The following ALCAM variants were observed in gnomAD, a reference collection of about 807,000 sequenced individuals.
ALCAM encodes the protein CD166 antigen.
Under a neutral mutation model 70.9 loss-of-function variants are expected in ALCAM, and 30 were observed. That is an observed-to-expected ratio of 0.42 (90% CI 0.32 to 0.57). The LOEUF (loss-of-function observed/expected upper bound fraction) is 0.57. ALCAM is among the 20% of genes least tolerant of loss of function. ALCAM has a pLI of 0.11. For synonymous variants in ALCAM, 249 were observed against 242.5 expected, an observed-to-expected ratio of 1.03 and a Z score of -0.25; for missense variants, 591 against 695.1, an observed-to-expected ratio of 0.85 and a Z score of 1.68.
chr3:105,530,715 G>A (rs985669030), intron 3 of ALCAM, among the ~76,000 whole-genome samples: 3 of 151,996 alleles, frequency 2.0e-5, no homozygotes, highest in Non-Finnish European at 4.4e-5. Context: ...CAACACATGG[G>A]AGGATTTATT....
At chr3:105,477,562 G>A (rs1392395536) in intron 1 of ALCAM, among the ~76,000 whole-genome samples, 1 of 151,966 alleles carries the variant, frequency 6.6e-6, no homozygotes, top group African/African-American at 2.4e-5. Flanking sequence ...ACTATGCTGT[G>A]CCTAAGTTTG....
intron 1 of ALCAM, among the ~76,000 whole-genome samples, chr3:105,422,520 C>T (rs1553722005): frequency 6.6e-6 from 1 of 150,974 alleles, no homozygotes; most frequent in Non-Finnish European, 1.5e-5. Flanking sequence ...TAGCCTTGGG[C>T]AAAAAAGTGT....
intron 14 of ALCAM, among the ~76,000 whole-genome samples, chr3:105,559,991 G>A (rs1940598808): frequency 6.6e-6 from 1 of 151,846 alleles, no homozygotes; most frequent in Admixed American, 6.6e-5. Flanking sequence ...TTCCAGTTTG[G>A]GCTACTGCAA....
chr3:105,411,961 T>C (rs1297942433), intron 1 of ALCAM, among the ~76,000 whole-genome samples: 1 of 152,114 alleles, frequency 6.6e-6, no homozygotes, highest in Non-Finnish European at 1.5e-5. Context: ...AAATTTATGT[T>C]GTAAACAGGA....
intron 2 of ALCAM, among the ~76,000 whole-genome samples, chr3:105,521,430 C>T (rs1032812291): frequency 4.0e-5 from 6 of 151,666 alleles, no homozygotes; most frequent in African/African-American, 1.5e-4. Context: ...TATTTGACCA[C>T]ACAACTTTTT....
At chr3:105,509,436 T>C (rs1409202257) in intron 1 of ALCAM, among the ~76,000 whole-genome samples, 3 of 152,090 alleles carry the variant, frequency 2.0e-5, no homozygotes, top group Non-Finnish European at 4.4e-5. Flanking sequence ...GTCATTGTGA[T>C]TTTGATTTAA....
chr3:105,425,177 A>G (rs1003695119), intron 1 of ALCAM, among the ~76,000 whole-genome samples: 1 of 151,816 alleles, frequency 6.6e-6, no homozygotes, highest in African/African-American at 2.4e-5. Flanking sequence ...TTTGTACTTC[A>G]TTATTATTGA....
At chr3:105,499,694 C>A (rs1348326932) in intron 1 of ALCAM, among the ~76,000 whole-genome samples, 2 of 152,168 alleles carry the variant, frequency 1.3e-5, no homozygotes, top group Non-Finnish European at 2.9e-5. Context: ...AGTTTAAATG[C>A]AAATGATTAA....
intron 1 of ALCAM, among the ~76,000 whole-genome samples, chr3:105,468,082 A>G (rs556335598): frequency 6.6e-6 from 1 of 151,262 alleles, no homozygotes; most frequent in Admixed American, 6.6e-5. Flanking sequence ...TTATAATATC[A>G]TGTGCTAATG....
intron 14 of ALCAM, among the ~76,000 whole-genome samples, chr3:105,568,739 A>G (rs1253851990): frequency 1.3e-5 from 2 of 152,234 alleles, no homozygotes; most frequent in Non-Finnish European, 2.9e-5. Flanking sequence ...AAGTGCCCTC[A>G]GAGGAAAAGC....
chr3:105,500,644 T>G (rs1210752600), intron 1 of ALCAM, among the ~76,000 whole-genome samples: 1 of 152,202 alleles, frequency 6.6e-6, no homozygotes, highest in African/African-American at 2.4e-5. Context: ...CATGATGTGG[T>G]GTTCATAAAA....
intron 1 of ALCAM, among the ~76,000 whole-genome samples, chr3:105,517,126 G>A (rs921090821): frequency 3.9e-5 from 6 of 152,030 alleles, no homozygotes; most frequent in African/African-American, 1.4e-4. Flanking sequence ...AAATCACCAT[G>A]GTCTTTGTAG....
intron 1 of ALCAM, among the ~76,000 whole-genome samples, chr3:105,510,474 C>G (rs751843405): frequency 6.6e-6 from 1 of 152,084 alleles, no homozygotes; most frequent in Non-Finnish European, 1.5e-5. Flanking sequence ...CTATGAGGAA[C>G]ATTTTCATGT....
chr3:105,540,569 G>A (rs1485128244), intron 7 of ALCAM, among the ~76,000 whole-genome samples: 2 of 151,938 alleles, frequency 1.3e-5, no homozygotes, highest in Non-Finnish European at 2.9e-5. Context: ...ATCTTGAAAT[G>A]CCATTTCCTC....
intron 5 of ALCAM, among the ~76,000 whole-genome samples, chr3:105,533,931 A>G (rs750673443): frequency 3.3e-5 from 5 of 152,138 alleles, no homozygotes; most frequent in Non-Finnish European, 5.9e-5. Context: ...CAAAATAATT[A>G]TGCAACTCAC....
intron 1 of ALCAM, among the ~76,000 whole-genome samples, chr3:105,470,132 T>TACACACACACACAC (rs35560211): frequency 0.02 from 2,978 of 145,688 alleles, 35 homozygotes; most frequent in Middle Eastern, 0.059. Context: ...GTTATATACA[T>TACACACACACACAC]ACACACACAC....
chr3:105,447,468 G>A (rs1469398266), intron 1 of ALCAM, among the ~76,000 whole-genome samples: 1 of 152,198 alleles, frequency 6.6e-6, no homozygotes, highest in Non-Finnish European at 1.5e-5. Context: ...AGAGGCCAAG[G>A]CAAGTGGATG....
chr3:105,463,967 C>G (rs1412284674), intron 1 of ALCAM, among the ~76,000 whole-genome samples: 2 of 151,314 alleles, frequency 1.3e-5, no homozygotes, highest in Non-Finnish European at 3.0e-5. Context: ...ATTTTGTTCA[C>G]CACAAGCAAG....
intron 1 of ALCAM, among the ~76,000 whole-genome samples, chr3:105,423,374 G>A (rs1387729088): frequency 6.6e-6 from 1 of 150,974 alleles, no homozygotes; most frequent in South Asian, 2.1e-4. Flanking sequence ...AACAAACAGG[G>A]CCAATGACTT....
Sources: gnomAD v4.1 joint callset for allele counts (sites outside exome capture counted in the v4.1 genomes callset) on GRCh38, gnomAD v4.1.1 for gene constraint, MANE v1.5 for transcripts, NCBI Gene and HGNC (gene_info 2026-07-23, HGNC 2026-07-21) for gene names.